The following GKAP1 variants were observed in gnomAD, a reference collection of about 807,000 sequenced individuals.
GKAP1 encodes the protein G kinase anchoring protein 1, also known as G kinase-anchoring protein 1.
Under a neutral mutation model 56.7 loss-of-function variants are expected in GKAP1, and 31 were observed. The observed-to-expected ratio is 0.55, with a 90% CI of 0.41 to 0.74. GKAP1 has a LOEUF of 0.74. Among genes scored for constraint, GKAP1 ranks in the 30% least tolerant of loss-of-function variants. The pLI is 0.00. For missense variants in GKAP1, 364 were observed against 402.3 expected (o/e 0.90, Z 0.82); for synonymous variants, 151 against 138.6 (o/e 1.09, Z -0.63).
chr9:83,790,765 T>C (rs919300297), intron 4 of GKAP1, among the ~76,000 whole-genome samples: 1 of 151,832 alleles, frequency 6.6e-6, no homozygotes, highest in Non-Finnish European at 1.5e-5. Flanking sequence ...TGAGCTGAGA[T>C]TGCACCACTG....
At position 83,768,954 on chromosome 9, in the gene GKAP1, TGAG is replaced by T. The variant is rs781396649; in HGVS notation, c.599_601del (p.Ser200_Gln201delinsTer). On this transcript the variant is annotated stop_gained and inframe_deletion, in exon 8 of 13. Coordinates refer to ENST00000376371, the MANE Select transcript of GKAP1 (RefSeq NM_025211.4). LOFTEE classifies it high-confidence loss of function. ...GAATCCTCCATCATGTGATAAAGTC[TGAG>T]AAGAACTCAATTCCTGTCAAAAATG... The T allele has an allele frequency of 6.2e-7, 1 of 1,608,474 alleles. No homozygotes were observed. The highest frequency in any genetic ancestry group is 8.5e-7 in the Non-Finnish European group (1 of 1,178,598).
chr9:83,790,361 T>C lies in GKAP1; in HGVS notation c.361-1683A>G, dbSNP rs149108161. 1.2e-4 allele frequency among the ~76,000 whole-genome samples: 18 copies of C among 152,320 alleles called. No homozygotes were observed. The East Asian group carries it at 3.3e-3, about 28-fold the overall frequency. ...CTTTTAGTCTTACTATATACACTTA[T>C]GTACATGGGTATTCAATGGTTATAA... On this transcript the variant is annotated intron_variant, in intron 4 of 12. Coordinates refer to ENST00000376371, the MANE Select transcript of GKAP1 (RefSeq NM_025211.4).
At chr9:83,780,430 G>T (rs2131286958) in intron 6 of GKAP1, 26 bp from the exon 7 acceptor site, 2 of 407,044 alleles carry the variant, frequency 4.9e-6, no homozygotes, top group Non-Finnish European at 8.0e-6. Context: ...AAACAAAGAT[G>T]AAACTTTATT....
intron 7 of GKAP1, among the ~76,000 whole-genome samples, chr9:83,777,074 CAGA>C: frequency 6.6e-6 from 1 of 152,254 alleles, no homozygotes; most frequent in East Asian, 1.9e-4. Context: ...ATAGAAAATT[CAGA>C]AGCTTATACT....
intron 10 of GKAP1, among the ~76,000 whole-genome samples, chr9:83,746,800 T>C (rs1943303310): frequency 6.6e-6 from 1 of 152,246 alleles, no homozygotes; most frequent in Non-Finnish European, 1.5e-5. Context: ...ACACTGTTAT[T>C]GTTTAGGGAG....
chr9:83,762,463 A>G (rs566195762), intron 8 of GKAP1, among the ~76,000 whole-genome samples: 128 of 152,304 alleles, frequency 8.4e-4, no homozygotes, highest in Admixed American at 1.8e-3. Flanking sequence ...ATATTGTTAA[A>G]ATGTCGATAC....
chr9:83,761,739 G>GGCTGGTTCAACATAT, intron 8 of GKAP1, among the ~76,000 whole-genome samples: 1 of 152,224 alleles, frequency 6.6e-6, no homozygotes, highest in South Asian at 2.1e-4. Context: ...AGGAATGCAA[G>GGCTGGTTCAACATAT]GCTGGTTCAA....
chr9:83,746,046 C>T lies in GKAP1; in HGVS notation c.904+2263G>A, dbSNP rs368785063. ...CCTCAAGTGATCCACCTGCCTCGGC[C>T]TCCCAAAGTGCTGGGATTATAGGCA... is the stretch of plus-strand genomic sequence containing the variant. On this transcript the variant is annotated intron_variant, in intron 10 of 12. Transcript: ENST00000376371. Among the ~76,000 whole-genome samples, 11 of 152,254 alleles carry T rather than the reference C, an allele frequency of 7.2e-5. No homozygotes were observed. The South Asian group carries it at 2.3e-3, about 32-fold the overall frequency.
intron 8 of GKAP1, among the ~76,000 whole-genome samples, chr9:83,759,219 T>C (rs1346169926): frequency 6.6e-6 from 1 of 152,326 alleles, no homozygotes; most frequent in South Asian, 2.1e-4. Flanking sequence ...TTTTACTACA[T>C]GTATATGAAG....
chr9:83,803,710 G>A (rs1219636430), intron 3 of GKAP1, among the ~76,000 whole-genome samples: 42 of 150,912 alleles, frequency 2.8e-4, no homozygotes, highest in African/African-American at 9.5e-4. Context: ...CTGCCTGGCA[G>A]CCCATCGTCT....
intron 6 of GKAP1, among the ~76,000 whole-genome samples, chr9:83,782,866 A>C (rs954203814): frequency 6.6e-6 from 1 of 151,826 alleles, no homozygotes; most frequent in Non-Finnish European, 1.5e-5. Flanking sequence ...ACAGGGTTTC[A>C]CCATGTTGGC....
chr9:83,756,470 CAAAAAAAA>C (rs142896755), intron 8 of GKAP1, among the ~76,000 whole-genome samples: 4 of 75,442 alleles, frequency 5.3e-5, no homozygotes, highest in Non-Finnish European at 9.8e-5. Flanking sequence ...GACTCCATCT[CAAAAAAAA>C]AAAAAAAAAA....
Position 83,795,080 on chromosome 9 carries a change from C to T in GKAP1, c.360+4105G>A, listed in dbSNP as rs937771110. On this transcript the variant is annotated intron_variant, in intron 4 of 12. Transcript: ENST00000376371. ...CTGAGGTAGGAGAATCGCTTGAATC[C>T]GGGAGGCGGAGGTCACAGTGAGCCG... Among the ~76,000 whole-genome samples, 7 of 147,526 alleles carry T rather than the reference C, an allele frequency of 4.7e-5. No individual in the cohort carries two copies. In the East Asian group the frequency reaches 6.2e-4, roughly 13 times the overall value.
intron 8 of GKAP1, among the ~76,000 whole-genome samples, chr9:83,767,933 C>T (rs531489522): frequency 9.2e-5 from 14 of 152,266 alleles, no homozygotes; most frequent in East Asian, 1.9e-4. Flanking sequence ...GTGATCTGCC[C>T]GCTTCAGCCT....
At chr9:83,771,106 G>A (rs941638167) in intron 7 of GKAP1, among the ~76,000 whole-genome samples, 1 of 151,740 alleles carries the variant, frequency 6.6e-6, no homozygotes, top group Non-Finnish European at 1.5e-5. Context: ...CTCTCACCCA[G>A]GCTGGAGTGC....
At chr9:83,790,380 G>C (rs778916758) in intron 4 of GKAP1, among the ~76,000 whole-genome samples, 1 of 152,066 alleles carries the variant, frequency 6.6e-6, no homozygotes, top group African/African-American at 2.4e-5. Flanking sequence ...GTATTCAATG[G>C]TTATAAGGTA....
intron 7 of GKAP1, among the ~76,000 whole-genome samples, chr9:83,779,582 T>TAC (rs1387307451): frequency 1.5e-5 from 1 of 66,836 alleles, no homozygotes; most frequent in African/African-American, 1.3e-4. Flanking sequence ...CACATATATA[T>TAC]ACACGTATAT....
intron 8 of GKAP1, among the ~76,000 whole-genome samples, chr9:83,755,273 TA>T (rs1218648730): frequency 6.6e-6 from 1 of 152,146 alleles, no homozygotes; most frequent in Non-Finnish European, 1.5e-5. Context: ...AAATATATAG[TA>T]AATTCAAAAA....
At chr9:83,814,107 A>T (rs1434622746) in intron 2 of GKAP1, among the ~76,000 whole-genome samples, 4 of 152,128 alleles carry the variant, frequency 2.6e-5, no homozygotes, top group Admixed American at 2.6e-4. Context: ...TCAAAGAAGA[A>T]AAAGAAAAAA....
Sources: allele counts gnomAD v4.1 joint callset (sites outside exome capture counted in the v4.1 genomes callset), GRCh38; gene constraint gnomAD v4.1.1; transcripts MANE v1.5; gene names NCBI Gene and HGNC (gene_info 2026-07-23, HGNC 2026-07-21).